Variants in SLC22A16 observed in about 807,000 individuals in gnomAD.
The protein encoded by SLC22A16 is solute carrier family 22 member 16.
A neutral mutation model predicts 52.9 loss-of-function variants in SLC22A16; 53 were observed. That is an observed-to-expected ratio of 1.00 (90% CI 0.80 to 1.26). The LOEUF (loss-of-function observed/expected upper bound fraction) is 1.26. Ranked by LOEUF, SLC22A16 falls within the 50% of genes most tolerant of loss-of-function variation. SLC22A16 has a pLI of 0.00. For synonymous variants in SLC22A16, 291 were observed against 268.8 expected (o/e 1.08, Z -0.81); for missense variants, 726 against 704.0 (o/e 1.03, Z -0.35).
At chr6:110,467,508 A>T (rs1168284666) in intron 1 of SLC22A16, among the ~76,000 whole-genome samples, 1 of 152,216 alleles carries the variant, frequency 6.6e-6, no homozygotes, top group African/African-American at 2.4e-5. Context: ...CAGTCACTTT[A>T]GTATCTCCTG....
intron 7 of SLC22A16, 48 bp from the exon 8 acceptor site, chr6:110,425,133 G>C: frequency 1.9e-6 from 3 of 1,606,078 alleles, no homozygotes; most frequent in Non-Finnish European, 2.6e-6. Flanking sequence ...AGAAAGGAAC[G>C]AACCCTTCGG....
rs773272335 is a variant in SLC22A16, at chr6:110,424,929, T to A, written c.1678A>T (p.Ser560Cys). The change falls in exon 8 of 8, where the codon AGT (serine) becomes TGT (cysteine). Residue 560 changes from serine (S) to cysteine (C), a missense_variant. By Grantham distance (112) the Ser-to-Cys change is moderately radical. Coordinates refer to ENST00000368919, the MANE Select transcript of SLC22A16 (RefSeq NM_033125.4). ...ATCGCTTCCGTTTTTTCCAGCCCAC[T>A]ATTATTAGTTGTGAGAAGTAATTTG... is the stretch of plus-strand genomic sequence containing the variant. The part of the protein sequence containing the change: ...SSKLLLTTNN[S>C]GLEKTEAITP... The A allele has an allele frequency of 6.2e-7, 1 of 1,614,160 alleles. No homozygotes were observed. Among genetic ancestry groups the A allele is most frequent in the African/African-American group, 1.3e-5 (1 of 75,042 alleles).
chr6:110,435,368 G>A (rs755685638), intron 6 of SLC22A16, among the ~76,000 whole-genome samples: 6 of 152,098 alleles, frequency 3.9e-5, no homozygotes, highest in Non-Finnish European at 5.9e-5. Context: ...ATAGCAAGAG[G>A]GCACCACCTG....
At chr6:110,463,844 C>G (rs1775975840) in intron 1 of SLC22A16, among the ~76,000 whole-genome samples, 1 of 151,766 alleles carries the variant, frequency 6.6e-6, no homozygotes, top group South Asian at 2.1e-4. Context: ...ATACATTTTT[C>G]TCATCTGTGC....
At chr6:110,452,894 T>C (rs958424075) in intron 2 of SLC22A16, among the ~76,000 whole-genome samples, 1 of 152,240 alleles carries the variant, frequency 6.6e-6, no homozygotes, top group Non-Finnish European at 1.5e-5. Context: ...GTAAATACCA[T>C]TGATTAGTTT....
At chr6:110,428,954 A>G (rs910651371) in intron 7 of SLC22A16, among the ~76,000 whole-genome samples, 2 of 152,154 alleles carry the variant, frequency 1.3e-5, no homozygotes, top group Non-Finnish European at 2.9e-5. Flanking sequence ...GCTTGTTTAA[A>G]TATCTGTTAA....
At chr6:110,473,363 G>A (rs939371632) in intron 1 of SLC22A16, among the ~76,000 whole-genome samples, 9 of 151,928 alleles carry the variant, frequency 5.9e-5, no homozygotes, top group African/African-American at 2.2e-4. Context: ...CCCAACACAG[G>A]TGCCTAAATT....
chr6:110,430,780 C>A (rs1003567367), intron 7 of SLC22A16, among the ~76,000 whole-genome samples: 2 of 152,184 alleles, frequency 1.3e-5, no homozygotes, highest in African/African-American at 4.8e-5. Flanking sequence ...GCAGGCAGCC[C>A]CCAGAATTCG....
chr6:110,453,701 T>C (rs1775471064), intron 2 of SLC22A16: 1 of 456,142 alleles, frequency 2.2e-6, no homozygotes, highest in African/African-American at 2.0e-5. Context: ...CTACTCTTTG[T>C]GGCAGAGAGG....
chr6:110,435,733 C>G (rs221718), intron 6 of SLC22A16, 119 bp downstream of exon 6: 6 of 673,342 alleles, frequency 8.9e-6, no homozygotes, highest in Non-Finnish European at 1.5e-5. Context: ...ATTTTCCCAT[C>G]TCAGAGATCC....
chr6:110,475,620 A>G (rs952768935), intron 1 of SLC22A16, among the ~76,000 whole-genome samples: 3 of 152,078 alleles, frequency 2.0e-5, no homozygotes, highest in African/African-American at 7.2e-5. Flanking sequence ...CGTTTTCTGG[A>G]TAGGAAACTG....
chr6:110,467,855 T>C (rs756730765), intron 1 of SLC22A16, among the ~76,000 whole-genome samples: 6 of 152,244 alleles, frequency 3.9e-5, no homozygotes, highest in African/African-American at 9.6e-5. Context: ...ATGGGTGTTT[T>C]CTGGTGGCAG....
At chr6:110,431,357 G>T in intron 6 of SLC22A16, 87 bp from the exon 7 acceptor site, 1 of 1,148,578 alleles carries the variant, frequency 8.7e-7, no homozygotes, top group Non-Finnish European at 1.3e-6. Context: ...CCTTTCCCAC[G>T]CTCCCCAGCA....
chr6:110,471,378 T>A (rs914679423), intron 1 of SLC22A16, among the ~76,000 whole-genome samples: 1 of 152,208 alleles, frequency 6.6e-6, no homozygotes, highest in African/African-American at 2.4e-5. Flanking sequence ...CACCTAACGA[T>A]GAACTTCTCA....
At chr6:110,468,021 G>A in intron 1 of SLC22A16, among the ~76,000 whole-genome samples, 1 of 152,200 alleles carries the variant, frequency 6.6e-6, no homozygotes, top group Non-Finnish European at 1.5e-5. Flanking sequence ...ATAAATAATA[G>A]GTTAAATGGA....
At chr6:110,475,029 C>T (rs992727658) in intron 1 of SLC22A16, 2 of 516,368 alleles carry the variant, frequency 3.9e-6, no homozygotes, top group Non-Finnish European at 3.9e-6. Context: ...ATTATTAGCC[C>T]CATTTTACAG....
chr6:110,447,170 C>T (rs1038380101), intron 2 of SLC22A16, among the ~76,000 whole-genome samples, 180 bp from the exon 3 acceptor site: 1 of 152,184 alleles, frequency 6.6e-6, no homozygotes, highest in African/African-American at 2.4e-5. Flanking sequence ...AAAAGACCAG[C>T]TGTTCAGTGG....
At chr6:110,453,044 G>A (rs1169250874) in intron 2 of SLC22A16, among the ~76,000 whole-genome samples, 1 of 152,024 alleles carries the variant, frequency 6.6e-6, no homozygotes, top group Non-Finnish European at 1.5e-5. Flanking sequence ...TGAATTTTTT[G>A]TAGCTGTGTG....
intron 1 of SLC22A16, among the ~76,000 whole-genome samples, chr6:110,459,759 AC>A (rs1775801348): frequency 6.6e-6 from 1 of 152,180 alleles, no homozygotes; most frequent in Non-Finnish European, 1.5e-5. Flanking sequence ...TATCTGTGTA[AC>A]TTTTCCATAA....
Sources: allele counts gnomAD v4.1 joint callset (sites outside exome capture counted in the v4.1 genomes callset), GRCh38; gene constraint gnomAD v4.1.1; transcripts MANE v1.5; gene names NCBI Gene and HGNC (gene_info 2026-07-23, HGNC 2026-07-21).